NADSYN1: variants seen among roughly 807,000 people sequenced by gnomAD.
NADSYN1 encodes the protein glutamine-dependent NAD(+) synthetase.
In NADSYN1, 80 loss-of-function variants were observed where a neutral mutation model predicts 99.3. The ratio of observed to expected loss-of-function variants is 0.81; its 90% confidence interval spans 0.67 to 0.97. The LOEUF is 0.97. Among genes scored for constraint, NADSYN1 ranks in the 50% least tolerant of loss-of-function variants. NADSYN1 has a pLI of 0.00. For missense variants in NADSYN1, 859 were observed against 948.5 expected, an observed-to-expected ratio of 0.91 and a Z score of 1.24; for synonymous variants, 385 against 372.1, an observed-to-expected ratio of 1.03 and a Z score of -0.40.
chr11:71,475,713 T>C (rs1949660843), intron 9 of NADSYN1: 1 of 257,200 alleles, frequency 3.9e-6, no homozygotes, highest in Admixed American at 5.1e-5. Flanking sequence ...ACTCTCCCTT[T>C]CGGTTGTTTG....
intron 5 of NADSYN1, among the ~76,000 whole-genome samples, chr11:71,469,426 G>C (rs559502304): frequency 4.5e-4 from 69 of 152,342 alleles, no homozygotes; most frequent in African/African-American, 1.6e-3. Context: ...GACACACACA[G>C]AGAAATGTAG....
At chr11:71,482,810 T>C (rs771544905) in intron 13 of NADSYN1, 39 bp from the exon 14 acceptor site, 39 of 1,606,968 alleles carry the variant, frequency 2.4e-5, no homozygotes, top group Non-Finnish European at 3.1e-5. Context: ...TCCCACACAC[T>C]CAGGTGACTT....
chr11:71,495,742 C>G (rs1175861035), intron 18 of NADSYN1, among the ~76,000 whole-genome samples: 2 of 152,240 alleles, frequency 1.3e-5, no homozygotes, highest in Non-Finnish European at 2.9e-5. Context: ...GCTGGGGACC[C>G]TGTGGTGAGC....
At chr11:71,457,883 T>C (rs1280516405) in intron 2 of NADSYN1, among the ~76,000 whole-genome samples, 1 of 152,200 alleles carries the variant, frequency 6.6e-6, no homozygotes, top group Non-Finnish European at 1.5e-5. Context: ...CTTAATTTAG[T>C]TACATCAGCA....
At position 71,453,369 on chromosome 11, in the gene NADSYN1, A is replaced by G; in HGVS notation, c.73A>G (p.Arg25Gly). 1 of 1,613,740 alleles carries G rather than the reference A, an allele frequency of 6.2e-7. No homozygotes were observed. ...CCTGGACTTCGAGGGCAATTTGCAAAGAATTTTAAAGAGTGAGTCTGGGGC... is the reference window on the plus strand; with the variant it reads ...CCTGGACTTCGAGGGCAATTTGCAAGGAATTTTAAAGAGTGAGTCTGGGGC... ...WALDFEGNLQ[R>G]ILKSIEIAKN... Residue 25 changes from arginine to glycine, a missense_variant, in exon 1 of 21, where the codon AGA becomes GGA. Transcript: ENST00000319023.
At chr11:71,469,660 T>C (rs1048485831) in intron 5 of NADSYN1, among the ~76,000 whole-genome samples, 1 of 152,224 alleles carries the variant, frequency 6.6e-6, no homozygotes, top group African/African-American at 2.4e-5. Context: ...CAGGAACGCC[T>C]TAAGTGGTTT....
intron 9 of NADSYN1, chr11:71,477,532 G>A (rs914575032): frequency 8.9e-6 from 9 of 1,005,902 alleles, no homozygotes; most frequent in African/African-American, 8.4e-5. Context: ...TGCTGTTCCC[G>A]CTGTCCCACA....
intron 9 of NADSYN1, chr11:71,476,254 A>C: frequency 8.1e-6 from 3 of 369,378 alleles, no homozygotes; most frequent in Non-Finnish European, 1.6e-5. Context: ...TCTTGTTGGG[A>C]ATGGGCATTA....
intron 4 of NADSYN1, 96 bp downstream of exon 4, chr11:71,463,581 C>T (rs541696083): frequency 5.8e-5 from 71 of 1,231,416 alleles, no homozygotes; most frequent in African/African-American, 3.8e-4. Flanking sequence ...CCTGGGGACC[C>T]GTTGCTGGGA....
At chr11:71,458,766 T>C in intron 3 of NADSYN1, 1 of 518,622 alleles carries the variant, frequency 1.9e-6, no homozygotes, top group Non-Finnish European at 3.5e-6. Context: ...GTGTCAGTTC[T>C]TCCAGAAAGT....
In NADSYN1 at chr11:71,498,392, T is replaced by A. The variant is rs770628501; in HGVS notation, c.1934T>A (p.Met645Lys). The stretch of plus-strand genomic sequence containing the variant: ...AAGCGGTTTTTCTCCAAGTACTCCA[T>A]GAACAGACACAAGATGACCACGCTC... ...KVKRFFSKYS[M>K]NRHKMTTLTP... Residue 645 changes from methionine (M) to lysine (K), a missense_variant, in exon 20 of 21, where the codon ATG (methionine) becomes AAG (lysine). Met to Lys is a moderately conservative substitution (Grantham distance 95, BLOSUM62 -1). Coordinates refer to ENST00000319023, the MANE Select transcript of NADSYN1 (RefSeq NM_018161.5). 6.2e-6 allele frequency: 10 copies of A among 1,614,192 alleles called. No homozygotes were observed. The Middle Eastern group carries it at 6.6e-4, about 107-fold the overall frequency.
chr11:71,460,394 A>G (rs11233746), intron 3 of NADSYN1, among the ~76,000 whole-genome samples: 92,291 of 152,098 alleles, frequency 0.61, 29,681 homozygotes, highest in Non-Finnish European at 0.74. Context: ...TCTGTTGTCC[A>G]GGCTGGAGTG....
At chr11:71,485,439 C>CTT in intron 15 of NADSYN1, 103 bp from the exon 16 acceptor site, 2 of 879,412 alleles carry the variant, frequency 2.3e-6, no homozygotes, top group Non-Finnish European at 3.5e-6. Context: ...CTAGAGAGCT[C>CTT]CTAAGCTATT....
At chr11:71,482,687 A>C in intron 13 of NADSYN1, 162 bp from the exon 14 acceptor site, 1 of 458,812 alleles carries the variant, frequency 2.2e-6, no homozygotes, top group Non-Finnish European at 3.7e-6. Context: ...GGAGCCGCAC[A>C]GGCACCTGGG....
intron 5 of NADSYN1, among the ~76,000 whole-genome samples, chr11:71,466,382 T>C (rs1306710656): frequency 6.6e-6 from 1 of 152,184 alleles, no homozygotes; most frequent in Non-Finnish European, 1.5e-5. Context: ...AGTGTTCTGG[T>C]GCCCAGGGTC....
At chr11:71,476,630 T>C (rs947757807) in intron 9 of NADSYN1, 20 of 986,522 alleles carry the variant, frequency 2.0e-5, no homozygotes, top group Non-Finnish European at 2.4e-5. Flanking sequence ...AGAGGCCTCC[T>C]TGCGCTTCAT....
At chr11:71,463,206 G>C (rs965816997) in intron 3 of NADSYN1, among the ~76,000 whole-genome samples, 1 of 152,202 alleles carries the variant, frequency 6.6e-6, no homozygotes, top group African/African-American at 2.4e-5. Context: ...TTGAGAAGAA[G>C]CTCCTCTAGG....
At position 71,474,747 on chromosome 11, in the gene NADSYN1, C is replaced by T. The variant is rs371352598; in HGVS notation, c.798+221C>T. ...CTGCTCCTGGCTCTCCCCTGTAAGCCGGGTGCTTAGTGAGGGCCCCTGTGG... is the reference window on the plus strand; with the variant it reads ...CTGCTCCTGGCTCTCCCCTGTAAGCTGGGTGCTTAGTGAGGGCCCCTGTGG... On this transcript the variant is annotated intron_variant, in intron 9 of 20. Transcript: ENST00000319023. 34 of 532,474 alleles carry T rather than the reference C, an allele frequency of 6.4e-5. No homozygotes were observed. The East Asian group carries it at 6.7e-4, about 10-fold the overall frequency. 33.0% of individuals were successfully genotyped at this position (532,474 alleles called of 1,614,324 possible).
intron 5 of NADSYN1, among the ~76,000 whole-genome samples, chr11:71,469,612 C>G (rs1235606687): frequency 6.6e-6 from 1 of 152,206 alleles, no homozygotes; most frequent in South Asian, 2.1e-4. Flanking sequence ...AGGAACATGT[C>G]CTTAAGGCAC....
Sources: gnomAD v4.1 joint callset for allele counts (sites outside exome capture counted in the v4.1 genomes callset) on GRCh38, gnomAD v4.1.1 for gene constraint, MANE v1.5 for transcripts, NCBI Gene and HGNC (gene_info 2026-07-23, HGNC 2026-07-21) for gene names.